The following FSTL4 variants were observed in gnomAD, a reference collection of about 807,000 sequenced individuals.
The protein encoded by FSTL4 is follistatin like 4.
In FSTL4, 28 loss-of-function variants were observed where a neutral mutation model predicts 78.2. The observed-to-expected ratio is 0.36, with a 90% CI of 0.27 to 0.49. The LOEUF (loss-of-function observed/expected upper bound fraction) is 0.49, where lower values mean the gene tolerates loss of function less well. Among genes scored for constraint, FSTL4 ranks in the 20% least tolerant of loss-of-function variants. The probability of loss-of-function intolerance (pLI) is 0.98; values close to 1 mark genes in which losing one functional copy is unlikely to be tolerated. For missense variants in FSTL4, 922 were observed against 1,084.9 expected, an observed-to-expected ratio of 0.85 and a Z score of 2.11; for synonymous variants, 422 against 440.5, an observed-to-expected ratio of 0.96 and a Z score of 0.53.
At chr5:133,801,988 A>G in the FSTL4 span, among the ~76,000 whole-genome samples, 7 of 152,022 alleles carry the variant, frequency 4.6e-5, no homozygotes, top group African/African-American at 1.5e-4. Context: ...CTCTCAGCCT[A>G]CTGTGCCCTT....
chr5:133,281,537 AAGCTGAGCTCCCT>A (rs1028314536), intron 6 of FSTL4, among the ~76,000 whole-genome samples: 18 of 152,218 alleles, frequency 1.2e-4, no homozygotes, highest in African/African-American at 4.3e-4. Context: ...CAGGATTCCC[AAGCTGAGCTCCCT>A]AAAAGCTGCT....
chr5:133,762,700 A>C, the FSTL4 span, among the ~76,000 whole-genome samples: 2 of 152,200 alleles, frequency 1.3e-5, no homozygotes, highest in African/African-American at 4.8e-5. Flanking sequence ...AATGGCCACC[A>C]ATAGCAACCA....
chr5:133,771,116 G>A, the FSTL4 span, among the ~76,000 whole-genome samples: 319 of 152,048 alleles, frequency 2.1e-3, 2 homozygotes, highest in African/African-American at 7.2e-3. Context: ...TGCTGTTTTG[G>A]TTACTACAGC....
chr5:133,351,283 A>AT (rs1220430596), intron 4 of FSTL4, among the ~76,000 whole-genome samples: 1 of 152,076 alleles, frequency 6.6e-6, no homozygotes, highest in Non-Finnish European at 1.5e-5. Context: ...TATGTTTGAC[A>AT]TTCTACAATT....
chr5:133,462,658 T>C (rs2112839709), intron 3 of FSTL4, among the ~76,000 whole-genome samples: 1 of 152,314 alleles, frequency 6.6e-6, no homozygotes, highest in Middle Eastern at 3.4e-3. Flanking sequence ...AGAAGGATTC[T>C]GAAGAGATAG....
chr5:133,583,262 T>C (rs1245355328), intron 2 of FSTL4: 4 of 455,794 alleles, frequency 8.8e-6, no homozygotes, highest in South Asian at 4.6e-5. Flanking sequence ...CTGGGAATCT[T>C]ACCTCCTCCT....
At chr5:133,673,349 G>A in the FSTL4 span, among the ~76,000 whole-genome samples, 1 of 152,204 alleles carries the variant, frequency 6.6e-6, no homozygotes, top group African/African-American at 2.4e-5. Context: ...CACCAGGGCA[G>A]AGCAGCCCCA....
rs780854028 is a variant in FSTL4 at position 133,400,969 on chromosome 5, C to G, written c.178G>C (p.Glu60Gln). The G allele has an allele frequency of 1.2e-6, 2 of 1,613,158 alleles. No homozygotes were observed. Among genetic ancestry groups the G allele is most frequent in the East Asian group, 4.5e-5 (2 of 44,890 alleles). Residue 60 changes from glutamate (E) to glutamine (Q), a missense_variant, in exon 4 of 16, where the codon GAG becomes CAG. Glu to Gln is a conservative substitution (Grantham distance 29). Coordinates refer to ENST00000265342, the MANE Select transcript of FSTL4 (RefSeq NM_015082.2). ...TRREGLSSHN[E>Q]LLASCGKKFC... is the part of the protein sequence containing the mutation. ...TTCTTCCCGCAGGAGGCCAGCAGCT[C>G]GTTGTGGCTGGAAAGCCCTGCCAGA...
chr5:133,582,416 A>G (rs1192608873), intron 2 of FSTL4, among the ~76,000 whole-genome samples: 1 of 152,108 alleles, frequency 6.6e-6, no homozygotes, highest in East Asian at 1.9e-4. Flanking sequence ...GGCAAAGAGC[A>G]CTCAGTATCT....
the FSTL4 span, among the ~76,000 whole-genome samples, chr5:133,681,958 G>C: frequency 6.6e-6 from 1 of 152,248 alleles, no homozygotes; most frequent in African/African-American, 2.4e-5. Flanking sequence ...CATGGAGAAA[G>C]TGGGCTGTTG....
At chr5:133,783,196 C>T in the FSTL4 span, among the ~76,000 whole-genome samples, 3 of 152,302 alleles carry the variant, frequency 2.0e-5, no homozygotes, top group Admixed American at 1.3e-4. Context: ...TCTGTGGCTT[C>T]CCTCTTCCAA....
the FSTL4 span, among the ~76,000 whole-genome samples, chr5:133,815,437 T>C: frequency 6.6e-6 from 1 of 152,186 alleles, no homozygotes; most frequent in Non-Finnish European, 1.5e-5. Flanking sequence ...AGATTCACGT[T>C]GGGTAAAAAG....
chr5:133,291,931 G>T (rs904919711), intron 6 of FSTL4, among the ~76,000 whole-genome samples: 1 of 152,230 alleles, frequency 6.6e-6, no homozygotes, highest in Non-Finnish European at 1.5e-5. Context: ...CAAGCCCTGC[G>T]ATTTCAGACC....
the FSTL4 span, among the ~76,000 whole-genome samples, chr5:133,676,111 G>A: frequency 3.0e-4 from 46 of 152,290 alleles, 1 homozygote; most frequent in African/African-American, 1.1e-3. Flanking sequence ...TTTAAGAGGC[G>A]TCGTTAGAGA....
chr5:133,443,269 T>G (rs1345329825), intron 3 of FSTL4, among the ~76,000 whole-genome samples: 1 of 152,232 alleles, frequency 6.6e-6, no homozygotes, highest in Non-Finnish European at 1.5e-5. Flanking sequence ...TGCAAGAAAG[T>G]GATAAGCGGA....
intron 7 of FSTL4, among the ~76,000 whole-genome samples, chr5:133,234,833 C>G (rs1280363216): frequency 6.6e-6 from 1 of 152,116 alleles, no homozygotes; most frequent in Non-Finnish European, 1.5e-5. Flanking sequence ...GTTGGGAGAT[C>G]CGGTGAGAAA....
intron 4 of FSTL4, among the ~76,000 whole-genome samples, chr5:133,396,916 C>T (rs1412196863): frequency 6.6e-6 from 1 of 152,180 alleles, no homozygotes; most frequent in Non-Finnish European, 1.5e-5. Context: ...GGGAACTCCC[C>T]TCTGAAGCAC....
intron 4 of FSTL4, among the ~76,000 whole-genome samples, chr5:133,324,406 G>A (rs1420778041): frequency 3.3e-5 from 5 of 152,246 alleles, no homozygotes; most frequent in African/African-American, 1.2e-4. Flanking sequence ...GGGCGGGAAA[G>A]TGGGCTCTCT....
At chr5:133,376,068 T>C (rs1239315211) in intron 4 of FSTL4, among the ~76,000 whole-genome samples, 1 of 152,222 alleles carries the variant, frequency 6.6e-6, no homozygotes, top group East Asian at 1.9e-4. Context: ...CGTGTGCACT[T>C]GACAAGCTGA....
Sources: gnomAD v4.1 joint callset for allele counts (sites outside exome capture counted in the v4.1 genomes callset) on GRCh38, gnomAD v4.1.1 for gene constraint, MANE v1.5 for transcripts, NCBI Gene and HGNC (gene_info 2026-07-23, HGNC 2026-07-21) for gene names.